Variants in CDKN2B-AS1 observed in about 807,000 individuals in gnomAD.
CDKN2B-AS1 encodes the protein CDKN2B antisense RNA 1 (non-protein coding).
intron 4 of CDKN2B-AS1, among the ~76,000 whole-genome samples, chr9:22,090,091 C>T (rs1054098955): frequency 4.0e-5 from 6 of 149,684 alleles, no homozygotes; most frequent in African/African-American, 1.5e-4. Context: ...GGTTTTTTGT[C>T]CTTGTGATAA....
intron 1 of CDKN2B-AS1, among the ~76,000 whole-genome samples, chr9:22,036,418 T>A (rs947845819): frequency 6.6e-6 from 1 of 152,076 alleles, no homozygotes; most frequent in African/African-American, 2.4e-5. Flanking sequence ...ATTTAAAAAA[T>A]TGTCATTTTA....
intron 4 of CDKN2B-AS1, among the ~76,000 whole-genome samples, chr9:22,094,939 G>T (rs1029923269): frequency 6.9e-6 from 1 of 144,108 alleles, no homozygotes; most frequent in African/African-American, 2.9e-5. Flanking sequence ...CCATCTTTGT[G>T]GTTTTATCTA....
intron 4 of CDKN2B-AS1, among the ~76,000 whole-genome samples, chr9:22,082,834 T>C (rs778303493): frequency 6.6e-6 from 1 of 152,134 alleles, no homozygotes; most frequent in African/African-American, 2.4e-5. Flanking sequence ...ACTATTTCCA[T>C]TTGACTAAGC....
chr9:22,064,291 G>A (rs1389852500), intron 4 of CDKN2B-AS1, among the ~76,000 whole-genome samples: 1 of 152,174 alleles, frequency 6.6e-6, no homozygotes, highest in African/African-American at 2.4e-5. Context: ...AGGTGGAAGT[G>A]TGGTGGTCCT....
rs1394292360 is a variant in CDKN2B-AS1 at position 22,005,992 on chromosome 9, C to A, written n.29+10831C>A. The A allele has an allele frequency of 1.6e-5, 25 of 1,601,992 alleles. No individual in the cohort carries two copies. The highest frequency in any genetic ancestry group is 2.0e-5 in the Non-Finnish European group (24 of 1,179,772). Reference sequence around the variant, plus strand: ...GGCGGCTGGGGAACCTGGCGTCAGTCCCCCGTGGCTGTGCGCAGGTACCCT... The same window carrying A: ...GGCGGCTGGGGAACCTGGCGTCAGTACCCCGTGGCTGTGCGCAGGTACCCT... On this transcript the variant is annotated intron_variant and non_coding_transcript_variant, in intron 1 of 4. Coordinates refer to ENST00000650946, the Ensembl canonical transcript of CDKN2B-AS1. The surrounding 1 kb of genome is among the most constrained non-coding windows in gnomAD (Gnocchi z 4.9).
chr9:22,073,739 A>ATAG (rs1402213189), intron 4 of CDKN2B-AS1, among the ~76,000 whole-genome samples: 2 of 152,118 alleles, frequency 1.3e-5, no homozygotes, highest in Non-Finnish European at 2.9e-5. Context: ...TTTAGTTTAG[A>ATAG]TTTATTTTTA....
intron 1 of CDKN2B-AS1, among the ~76,000 whole-genome samples, chr9:22,045,500 T>C (rs1056686207): frequency 1.3e-5 from 2 of 152,086 alleles, no homozygotes; most frequent in African/African-American, 4.8e-5. Context: ...TGCATAGTAT[T>C]ATCTCAGCAA....
chr9:22,011,596 A>G (rs530483195), intron 1 of CDKN2B-AS1, among the ~76,000 whole-genome samples: 6 of 152,312 alleles, frequency 3.9e-5, no homozygotes, highest in Non-Finnish European at 8.8e-5. Context: ...CTGTCATGGT[A>G]GGCTTAACTG....
At chr9:22,062,939 G>C (rs991798486) in intron 4 of CDKN2B-AS1, among the ~76,000 whole-genome samples, 1 of 150,922 alleles carries the variant, frequency 6.6e-6, no homozygotes, top group African/African-American at 2.4e-5. Flanking sequence ...CCTTTGAGGA[G>C]ATAAGAAAAG....
At chr9:22,020,883 A>C (rs945933244) in intron 1 of CDKN2B-AS1, among the ~76,000 whole-genome samples, 5 of 152,172 alleles carry the variant, frequency 3.3e-5, no homozygotes, top group Non-Finnish European at 7.4e-5. Context: ...TAGTTTAATT[A>C]GATTGCATTT....
chr9:22,019,469 A>G (rs925452949), intron 1 of CDKN2B-AS1, among the ~76,000 whole-genome samples: 2 of 152,140 alleles, frequency 1.3e-5, no homozygotes, highest in African/African-American at 4.8e-5. Flanking sequence ...ATGGAAGATG[A>G]GGGAAGGGAA....
chr9:22,043,455 A>G (rs185609379), intron 1 of CDKN2B-AS1, among the ~76,000 whole-genome samples: 179 of 152,058 alleles, frequency 1.2e-3, no homozygotes, highest in Non-Finnish European at 1.6e-3. Flanking sequence ...ATTTTCTTCA[A>G]ATATATCCAG....
At chr9:22,089,589 C>A (rs1824994445) in intron 4 of CDKN2B-AS1, among the ~76,000 whole-genome samples, 1 of 152,050 alleles carries the variant, frequency 6.6e-6, no homozygotes, top group South Asian at 2.1e-4. Context: ...TGCCACCATG[C>A]CTGGCTAATA....
intron 4 of CDKN2B-AS1, among the ~76,000 whole-genome samples, chr9:22,066,830 G>A (rs1824063537): frequency 6.6e-6 from 1 of 152,006 alleles, no homozygotes; most frequent in Admixed American, 6.5e-5. Flanking sequence ...GTCCATCAAT[G>A]ATAGACTGGA....
At chr9:22,075,895 G>A (rs1224065091) in intron 4 of CDKN2B-AS1, among the ~76,000 whole-genome samples, 1 of 152,066 alleles carries the variant, frequency 6.6e-6, no homozygotes, top group African/African-American at 2.4e-5. Context: ...CTAAGAATGG[G>A]GGCTCTGCTC....
At chr9:22,069,124 AAAATAATGCGTGGG>A (rs1824183408) in intron 4 of CDKN2B-AS1, among the ~76,000 whole-genome samples, 2 of 152,110 alleles carry the variant, frequency 1.3e-5, no homozygotes, top group Admixed American at 1.3e-4. Context: ...TTCCTGTGTG[AAAATAATGCGTGGG>A]AAATGGGTAG....
At chr9:22,052,971 A>G (rs1448814493) in intron 3 of CDKN2B-AS1, among the ~76,000 whole-genome samples, 1 of 152,258 alleles carries the variant, frequency 6.6e-6, no homozygotes, top group African/African-American at 2.4e-5. Flanking sequence ...TGGCGCCAGC[A>G]TTAAGAAAAG....
intron 1 of CDKN2B-AS1, chr9:22,003,859 G>A (rs918504051): frequency 4.3e-6 from 1 of 232,194 alleles, no homozygotes; most frequent in Non-Finnish European, 8.5e-6. Flanking sequence ...GCTTACAAGG[G>A]AGATCATTGT....
intron 4 of CDKN2B-AS1, among the ~76,000 whole-genome samples, chr9:22,085,526 C>G (rs72652414): frequency 6.6e-6 from 1 of 152,024 alleles, no homozygotes; most frequent in Non-Finnish European, 1.5e-5. Flanking sequence ...CAAGACCACC[C>G]TGGCTAACAC....
Sources: gnomAD v4.1 joint callset for allele counts (sites outside exome capture counted in the v4.1 genomes callset) on GRCh38, gnomAD v4.1.1 for gene constraint, Gnocchi (gnomAD v3.1) non-coding constraint, MANE v1.5 for transcripts, NCBI Gene and HGNC (gene_info 2026-07-23, HGNC 2026-07-21) for gene names.